The following CCSER1 variants were observed in gnomAD, a reference collection of about 807,000 sequenced individuals.
CCSER1 encodes serine-rich coiled-coil domain-containing protein 1.
In CCSER1, 41 loss-of-function variants were observed where a neutral mutation model predicts 82.0. That is an observed-to-expected ratio of 0.50 (90% CI 0.39 to 0.65). The LOEUF (loss-of-function observed/expected upper bound fraction) is 0.65. CCSER1 is among the 30% of genes least tolerant of loss of function. The pLI, the probability that CCSER1 is intolerant of heterozygous loss-of-function variation, is 0.00. For synonymous variants in CCSER1, 414 were observed against 383.9 expected, an observed-to-expected ratio of 1.08 and a Z score of -0.92; for missense variants, 1,119 against 1,064.2, an observed-to-expected ratio of 1.05 and a Z score of -0.72.
intron 10 of CCSER1, among the ~76,000 whole-genome samples, chr4:91,403,809 G>T (rs1228389202): frequency 1.3e-5 from 2 of 152,160 alleles, no homozygotes; most frequent in Non-Finnish European, 2.9e-5. Context: ...GTATTTTATT[G>T]AGGATTTTTT....
chr4:90,400,425 T>A (rs1466524538), intron 4 of CCSER1, among the ~76,000 whole-genome samples: 1 of 152,198 alleles, frequency 6.6e-6, no homozygotes, highest in African/African-American at 2.4e-5. Flanking sequence ...AAAAGTTTAA[T>A]ATTTTCTTCT....
intron 3 of CCSER1, among the ~76,000 whole-genome samples, chr4:90,379,902 G>A (rs572675813): frequency 5.3e-5 from 8 of 152,228 alleles, no homozygotes; most frequent in African/African-American, 1.9e-4. Context: ...GGCAAAGGGG[G>A]AACAAGATGT....
chr4:91,166,982 T>A (rs1732149086), intron 10 of CCSER1, among the ~76,000 whole-genome samples: 1 of 152,090 alleles, frequency 6.6e-6, no homozygotes, highest in Admixed American at 6.6e-5. Flanking sequence ...AAATGACAGA[T>A]AATAAAATAG....
chr4:91,153,513 C>G (rs1730472288), intron 10 of CCSER1, among the ~76,000 whole-genome samples: 1 of 151,992 alleles, frequency 6.6e-6, no homozygotes, highest in Non-Finnish European at 1.5e-5. Flanking sequence ...CTTCTTCTCT[C>G]AACTTGTCAA....
chr4:91,461,761 G>A (rs1353730195), intron 10 of CCSER1, among the ~76,000 whole-genome samples: 1 of 152,132 alleles, frequency 6.6e-6, no homozygotes, highest in African/African-American at 2.4e-5. Context: ...GCCTAGCACA[G>A]TAATGTTCAA....
chr4:91,132,883 T>C (rs1728116720), intron 10 of CCSER1, among the ~76,000 whole-genome samples: 1 of 152,218 alleles, frequency 6.6e-6, no homozygotes, highest in African/African-American at 2.4e-5. Flanking sequence ...TTACTCTGCA[T>C]TTTCATAACG....
At chr4:90,851,951 A>G (rs1426188039) in intron 8 of CCSER1, among the ~76,000 whole-genome samples, 1 of 152,170 alleles carries the variant, frequency 6.6e-6, no homozygotes, top group Admixed American at 6.5e-5. Context: ...TTTAATATAT[A>G]TGTAAATTTC....
chr4:90,332,251 G>A (rs1305842940), intron 3 of CCSER1, among the ~76,000 whole-genome samples: 6 of 151,312 alleles, frequency 4.0e-5, no homozygotes, highest in African/African-American at 9.7e-5. Context: ...TTTTTGAGAT[G>A]GAGTTTTTTT....
At chr4:90,657,072 G>T (rs578153923) in intron 6 of CCSER1, among the ~76,000 whole-genome samples, 1 of 151,680 alleles carries the variant, frequency 6.6e-6, no homozygotes, top group South Asian at 2.1e-4. Context: ...CATCTATCTG[G>T]GATTATTGTC....
chr4:91,099,561 G>A (rs187423862), intron 10 of CCSER1, among the ~76,000 whole-genome samples: 1 of 152,250 alleles, frequency 6.6e-6, no homozygotes, highest in Non-Finnish European at 1.5e-5. Flanking sequence ...AGGTAGTTGG[G>A]GCGCAGCTTG....
At chr4:91,363,766 G>C (rs1749423511) in intron 10 of CCSER1, among the ~76,000 whole-genome samples, 1 of 151,684 alleles carries the variant, frequency 6.6e-6, no homozygotes, top group Non-Finnish European at 1.5e-5. Context: ...CTTTGATCAA[G>C]ATCTTATTAC....
intron 4 of CCSER1, among the ~76,000 whole-genome samples, chr4:90,463,440 T>C (rs1344920349): frequency 6.6e-6 from 1 of 152,146 alleles, no homozygotes; most frequent in East Asian, 1.9e-4. Context: ...AATAACAATA[T>C]GCCATAGAAC....
intron 10 of CCSER1, among the ~76,000 whole-genome samples, chr4:91,355,708 C>T (rs559015158): frequency 4.4e-4 from 67 of 152,242 alleles, no homozygotes; most frequent in African/African-American, 1.5e-3. Flanking sequence ...AGTCAGCTTC[C>T]GGGTGTGACT....
chr4:91,057,244 A>T (rs1426803198), intron 9 of CCSER1, among the ~76,000 whole-genome samples: 3 of 152,144 alleles, frequency 2.0e-5, no homozygotes, highest in African/African-American at 4.8e-5. Flanking sequence ...TGACTAGTTA[A>T]GAGCTGAAAT....
intron 10 of CCSER1, among the ~76,000 whole-genome samples, chr4:91,115,944 G>A (rs535663033): frequency 6.7e-6 from 1 of 148,398 alleles, no homozygotes; most frequent in South Asian, 2.1e-4. Context: ...CCATCTTGGT[G>A]TGCTGCAGCC....
At chr4:90,717,769 G>A (rs1039685550) in intron 6 of CCSER1, among the ~76,000 whole-genome samples, 1 of 146,974 alleles carries the variant, frequency 6.8e-6, no homozygotes, top group Non-Finnish European at 1.5e-5. Context: ...CACATATATA[G>A]TGTATATATA....
intron 3 of CCSER1, among the ~76,000 whole-genome samples, chr4:90,388,118 A>C (rs947514798): frequency 2.0e-5 from 3 of 152,160 alleles, no homozygotes; most frequent in African/African-American, 7.2e-5. Context: ...ACCTATTCTA[A>C]TATTTCATTT....
rs558432052 is a variant in CCSER1 at position 91,193,378 on chromosome 4, C to T, written c.2217+107384C>T. On this transcript the variant is annotated intron_variant, in intron 10 of 10. Transcript: ENST00000509176. ...AATTAAAATTAACTTTGTTCCTGTTCATAATATTGTGAACATCATAAAGGC... is the reference window on the plus strand; with the variant it reads ...AATTAAAATTAACTTTGTTCCTGTTTATAATATTGTGAACATCATAAAGGC... 2.5e-4 allele frequency among the ~76,000 whole-genome samples: 38 copies of T among 152,192 alleles called. No homozygotes were observed. The South Asian group carries it at 7.9e-3, about 32-fold the overall frequency.
At position 90,308,258 on chromosome 4, in the gene CCSER1, T is replaced by G; in HGVS notation, c.-27T>G. The stretch of plus-strand genomic sequence containing the variant: ...ACCTTTCTCAGGCTGCAAAGTTGGC[T>G]TTCACAGTGCAAGCCTTTGATTCCC... On this transcript the variant is annotated 5_prime_UTR_variant, in exon 2 of 11. Coordinates refer to ENST00000509176, the MANE Select transcript of CCSER1 (RefSeq NM_001145065.2). 6.6e-7 allele frequency: 1 copy of G among 1,506,062 alleles called. No individual in the cohort carries two copies. The highest frequency in any genetic ancestry group is 8.9e-7 in the Non-Finnish European group (1 of 1,128,590). The allele number at this position is 1,506,062 out of a possible 1,614,324, so 93.3% of individuals were successfully genotyped here. A position where few individuals can be genotyped will look rare whatever the true frequency, so the allele number is the denominator to read the frequency against.
Sources: gnomAD v4.1 joint callset for allele counts (sites outside exome capture counted in the v4.1 genomes callset) on GRCh38, gnomAD v4.1.1 for gene constraint, MANE v1.5 for transcripts, NCBI Gene and HGNC (gene_info 2026-07-23, HGNC 2026-07-21) for gene names.